HOMER2: variants seen among roughly 807,000 people sequenced by gnomAD.
HOMER2 encodes the protein homer protein homolog 2.
HOMER2 carries 27 observed loss-of-function variants against 47.0 expected under a neutral mutation model. That is an observed-to-expected ratio of 0.57 (90% CI 0.42 to 0.79). The LOEUF (loss-of-function observed/expected upper bound fraction) is 0.79. HOMER2 is among the 30% of genes least tolerant of loss of function. HOMER2 has a pLI of 0.00. For synonymous variants in HOMER2, 161 were observed against 163.8 expected (o/e 0.98, Z 0.13); for missense variants, 443 against 435.0 (o/e 1.02, Z -0.16).
At chr15:82,934,851 C>T (rs1373739559) in intron 1 of HOMER2, among the ~76,000 whole-genome samples, 5 of 152,230 alleles carry the variant, frequency 3.3e-5, no homozygotes, top group African/African-American at 4.8e-5. Context: ...CGCCCACTCC[C>T]GGAAAACAAT....
chr15:82,971,322 T>C (rs2029978497), intron 1 of HOMER2, among the ~76,000 whole-genome samples: 1 of 152,108 alleles, frequency 6.6e-6, no homozygotes, highest in Non-Finnish European at 1.5e-5. Flanking sequence ...ATGGCTCGTT[T>C]CTAACATTGG....
chr15:82,974,510 G>A (rs183437503), intron 1 of HOMER2, among the ~76,000 whole-genome samples: 17 of 152,096 alleles, frequency 1.1e-4, no homozygotes, highest in African/African-American at 3.6e-4. Context: ...GTCAATACAC[G>A]ACAATGTCTA....
intron 4 of HOMER2, among the ~76,000 whole-genome samples, chr15:82,862,066 C>CTG (rs1567019620): frequency 2.3e-5 from 3 of 129,704 alleles, no homozygotes; most frequent in African/African-American, 9.5e-5. Context: ...TAGTCTTTCT[C>CTG]TCTCTTTTTT....
At chr15:82,928,027 G>A (rs141475945) in intron 1 of HOMER2, among the ~76,000 whole-genome samples, 82 of 149,988 alleles carry the variant, frequency 5.5e-4, no homozygotes, top group African/African-American at 2.0e-3. Context: ...GCCCCTCCAC[G>A]GCAGCATGAC....
chr15:82,930,936 A>G (rs991946270), intron 1 of HOMER2, among the ~76,000 whole-genome samples: 3 of 152,082 alleles, frequency 2.0e-5, no homozygotes, highest in African/African-American at 7.2e-5. Context: ...CTGAGGCAGG[A>G]GACTCACTTG....
At chr15:82,892,516 G>C (rs1295235017) in intron 2 of HOMER2, among the ~76,000 whole-genome samples, 169 bp downstream of exon 2, 1 of 152,164 alleles carries the variant, frequency 6.6e-6, no homozygotes, top group East Asian at 1.9e-4. Flanking sequence ...AGTGGTAACA[G>C]AGAAATATTT....
At chr15:82,834,978 G>A (rs1016651425), downstream of HOMER2, 4 of 152,252 alleles carry the variant, frequency 2.6e-5, no homozygotes, top group Admixed American at 6.5e-5. Context: ...AAAGCAGTCC[G>A]TTCATTTCTC....
At chr15:82,983,862 G>C (rs534570856) in intron 1 of HOMER2, among the ~76,000 whole-genome samples, 1 of 151,914 alleles carries the variant, frequency 6.6e-6, no homozygotes, top group Non-Finnish European at 1.5e-5. Context: ...AAAGTGCAGG[G>C]ATTACAGGAG....
At chr15:82,853,478 AAGAC>A (rs2051465536) in intron 6 of HOMER2, among the ~76,000 whole-genome samples, 1 of 152,236 alleles carries the variant, frequency 6.6e-6, no homozygotes, top group African/African-American at 2.4e-5. Flanking sequence ...GCATGAAAGT[AAGAC>A]AGTGTGACAG....
intron 1 of HOMER2, among the ~76,000 whole-genome samples, chr15:82,929,211 G>A (rs558360555): frequency 2.2e-4 from 33 of 152,238 alleles, no homozygotes; most frequent in African/African-American, 6.5e-4. Flanking sequence ...TCATAGAAGT[G>A]ATCGTAATAT....
At chr15:82,915,967 T>G (rs2151161077) in intron 1 of HOMER2, among the ~76,000 whole-genome samples, 1 of 152,354 alleles carries the variant, frequency 6.6e-6, no homozygotes, top group East Asian at 1.9e-4. Context: ...AAGATGGTCT[T>G]CTTTTCTTTA....
At chr15:82,845,801 C>G (rs767651411), downstream of HOMER2, 30 of 152,202 alleles carry the variant, frequency 2.0e-4, no homozygotes, top group Non-Finnish European at 3.8e-4. Context: ...GTGGTTGGCT[C>G]TCATCCAAAA....
chr15:82,854,926 T>G, intron 5 of HOMER2, 126 bp from the exon 6 acceptor site: 9 of 1,123,632 alleles, frequency 8.0e-6, no homozygotes, highest in Non-Finnish European at 1.1e-5. Flanking sequence ...CTCCCCACAG[T>G]AAGCTGGCAG....
At chr15:82,897,286 G>C (rs968028816) in intron 1 of HOMER2, among the ~76,000 whole-genome samples, 2 of 151,906 alleles carry the variant, frequency 1.3e-5, no homozygotes, top group Non-Finnish European at 2.9e-5. Flanking sequence ...GGCTGGTCTT[G>C]AACTCCTGAC....
intron 1 of HOMER2, among the ~76,000 whole-genome samples, chr15:82,924,413 C>T (rs1298504194): frequency 6.7e-6 from 1 of 149,648 alleles, no homozygotes; most frequent in Non-Finnish European, 1.5e-5. Flanking sequence ...TGCTTGTTCC[C>T]ATGCACCAGG....
intron 1 of HOMER2, among the ~76,000 whole-genome samples, chr15:82,969,934 A>G (rs557042609): frequency 1.6e-4 from 24 of 152,360 alleles, no homozygotes; most frequent in African/African-American, 5.5e-4. Context: ...TGCCACACCC[A>G]TGGAATAAAT....
At position 82,945,696 on chromosome 15, in the gene HOMER2, C is replaced by T. The variant is rs569354665; in HGVS notation, c.5+6835G>A. Among the ~76,000 whole-genome samples, 138 of 151,812 alleles carry T rather than the reference C, an allele frequency of 9.1e-4. 1 individual carries two copies. The highest frequency in any genetic ancestry group is 3.4e-3 in the Middle Eastern group (1 of 294). ...AGAAAAAAAGTGGTAGATGGCCGGG[C>T]GCGGTGGCTGACGCCTGTAATCCCA... On this transcript the variant is annotated intron_variant, in intron 1 of 8. Coordinates refer to ENST00000450735, the MANE Select transcript of HOMER2 (RefSeq NM_004839.4).
chr15:82,872,937 T>A (rs1253396516), intron 3 of HOMER2, among the ~76,000 whole-genome samples: 1 of 152,208 alleles, frequency 6.6e-6, no homozygotes, highest in Non-Finnish European at 1.5e-5. Context: ...ATACTCATGT[T>A]CCATATGCAT....
chr15:82,842,379 A>G (rs1432356153), exon 2 of HOMER2: 1 of 150,560 alleles, frequency 6.6e-6, no homozygotes, highest in Non-Finnish European at 1.5e-5. Context: ...ATCTCAGCTC[A>G]CTGCAACCTC....
Sources: gnomAD v4.1 joint callset for allele counts (sites outside exome capture counted in the v4.1 genomes callset) on GRCh38, gnomAD v4.1.1 for gene constraint, MANE v1.5 for transcripts, NCBI Gene and HGNC (gene_info 2026-07-23, HGNC 2026-07-21) for gene names.